Variants in KHDRBS3 observed in about 807,000 individuals in gnomAD.
The protein encoded by KHDRBS3 is KH domain-containing, RNA-binding, signal transduction-associated protein 3.
A neutral mutation model predicts 45.6 loss-of-function variants in KHDRBS3; 23 were observed. The ratio of observed to expected loss-of-function variants is 0.50; its 90% CI spans 0.36 to 0.72. The LOEUF is 0.72. Ranked by LOEUF, KHDRBS3 falls within the 30% of genes least tolerant of loss-of-function variation. KHDRBS3 has a pLI of 0.00. For synonymous variants in KHDRBS3, 162 were observed against 156.5 expected, an observed-to-expected ratio of 1.04 and a Z score of -0.26; for missense variants, 352 against 424.8, an observed-to-expected ratio of 0.83 and a Z score of 1.51.
At chr8:135,642,966 C>CT (rs1207439499) in intron 7 of KHDRBS3, among the ~76,000 whole-genome samples, 1 of 151,578 alleles carries the variant, frequency 6.6e-6, no homozygotes, top group African/African-American at 2.4e-5. Flanking sequence ...TTTTTATATA[C>CT]TTTTTTTTAG....
At chr8:135,651,291 A>C (rs545015052), downstream of KHDRBS3, among the ~76,000 whole-genome samples, 1 of 150,398 alleles carries the variant, frequency 6.6e-6, no homozygotes, top group Admixed American at 6.7e-5. Context: ...GACATAGTCT[A>C]TATATATATT....
At chr8:135,510,931 A>G (rs1824251316) in intron 1 of KHDRBS3, among the ~76,000 whole-genome samples, 1 of 152,210 alleles carries the variant, frequency 6.6e-6, no homozygotes, top group Non-Finnish European at 1.5e-5. Context: ...TTAACAGTAT[A>G]AATAAATCAT....
At position 135,521,309 on chromosome 8, in the gene KHDRBS3, T is replaced by C; in HGVS notation, c.161T>C (p.Met54Thr). Residue 54 changes from methionine (M) to threonine (T), a missense_variant, in exon 2 of 9, where the codon ATG becomes ACG. Physicochemically the swap from Met to Thr is moderately conservative, Grantham distance 81. Around this residue, in one of 6 missense-constraint regions of KHDRBS3, gnomAD observed 58 missense variants for 64.5 expected, o/e 0.90. Transcript: ENST00000355849. The stretch of plus-strand genomic sequence containing the variant: ...ATCGATGTGGTGATTAATAAGAACA[T>C]GAAGCTGGGACAGAAAGTGTTAATT... ...KYIDVVINKNMKLGQKVLIPV... is the reference protein window; with the variant it reads ...KYIDVVINKNTKLGQKVLIPV... The C allele has an allele frequency of 5.6e-6, 9 of 1,613,458 alleles. No individual in the cohort carries two copies. The highest frequency in any genetic ancestry group is 7.6e-6 in the Non-Finnish European group (9 of 1,179,426).
At chr8:135,531,027 C>T (rs987919810) in intron 2 of KHDRBS3, among the ~76,000 whole-genome samples, 27 of 152,158 alleles carry the variant, frequency 1.8e-4, no homozygotes, top group African/African-American at 5.6e-4. Context: ...TCTGAATTAA[C>T]GGTTTCATGT....
intron 7 of KHDRBS3, among the ~76,000 whole-genome samples, chr8:135,642,483 C>T (rs1454429987): frequency 6.6e-6 from 1 of 152,146 alleles, no homozygotes; most frequent in Non-Finnish European, 1.5e-5. Flanking sequence ...TTTAGGAATG[C>T]CAGCCCTTAA....
chr8:135,557,562 G>T lies in KHDRBS3; in HGVS notation c.586G>T (p.Gly196Cys). The change falls in exon 5 of 9, where the codon GGT becomes TGT. Residue 196 changes from glycine to cysteine, a missense_variant. By Grantham distance (159) the Gly-to-Cys change is radical. This residue lies in a region of KHDRBS3 where 212 missense variants were observed against 209.6 expected (regional missense o/e 1.01). Transcript: ENST00000355849. ...VRGKPTLRTR[G>C]VPAPAITRGR... ...AGGGAAACCCACCTTGCGTACAAGA[G>T]GTGTACCAGCCCCAGCAATAACCAG... 6.2e-7 allele frequency: 1 copy of T among 1,613,174 alleles called. No individual in the cohort carries two copies. The highest frequency in any genetic ancestry group is 1.3e-5 in the African/African-American group (1 of 75,006).
intron 5 of KHDRBS3, among the ~76,000 whole-genome samples, chr8:135,558,984 C>A (rs973778812): frequency 1.3e-5 from 2 of 152,158 alleles, no homozygotes; most frequent in Non-Finnish European, 2.9e-5. Flanking sequence ...ACTTTAACCT[C>A]TCCGTCCTCA....
chr8:135,477,977 C>G (rs949121826), intron 1 of KHDRBS3, among the ~76,000 whole-genome samples: 1 of 152,106 alleles, frequency 6.6e-6, no homozygotes. Flanking sequence ...TGAGCGCTGC[C>G]TCCTGTCAGA....
intron 6 of KHDRBS3, among the ~76,000 whole-genome samples, chr8:135,603,387 A>G (rs865844357): frequency 2.6e-5 from 4 of 152,330 alleles, no homozygotes; most frequent in South Asian, 4.1e-4. Context: ...GCATTTTGCT[A>G]CTTACCTGAT....
At chr8:135,614,163 G>A (rs181071070) in intron 7 of KHDRBS3, among the ~76,000 whole-genome samples, 14 of 151,956 alleles carry the variant, frequency 9.2e-5, no homozygotes, top group African/African-American at 3.1e-4. Context: ...ACTATGAAGA[G>A]AAATATAAAC....
chr8:135,567,800 A>G (rs146625847), intron 5 of KHDRBS3, among the ~76,000 whole-genome samples: 11 of 152,374 alleles, frequency 7.2e-5, no homozygotes, highest in African/African-American at 2.6e-4. Context: ...GCAAAGTACT[A>G]TGAATTTAGC....
chr8:135,482,170 C>G (rs4448310), intron 1 of KHDRBS3, among the ~76,000 whole-genome samples: 1 of 152,092 alleles, frequency 6.6e-6, no homozygotes, highest in East Asian at 1.9e-4. Flanking sequence ...CTGGGTTTTG[C>G]GAAGTTAATA....
intron 7 of KHDRBS3, among the ~76,000 whole-genome samples, chr8:135,626,803 CAAAAAA>C (rs57231709): frequency 6.6e-5 from 6 of 91,124 alleles, no homozygotes; most frequent in Admixed American, 5.2e-4. Context: ...GACTCCGTCT[CAAAAAA>C]AAAAAAAAAA....
intron 1 of KHDRBS3, chr8:135,458,314 C>T (rs1821224199): frequency 3.7e-6 from 2 of 545,670 alleles, no homozygotes; most frequent in Middle Eastern, 3.4e-4. Context: ...GCGTGTTGGA[C>T]TCGGGGAAGT....
At chr8:135,463,807 T>C (rs1821555601) in intron 1 of KHDRBS3, among the ~76,000 whole-genome samples, 1 of 152,154 alleles carries the variant, frequency 6.6e-6, no homozygotes, top group Non-Finnish European at 1.5e-5. Context: ...TTGCCTGTTG[T>C]CACCAGTCCC....
At chr8:135,472,078 C>T (rs903877495) in intron 1 of KHDRBS3, among the ~76,000 whole-genome samples, 2 of 152,186 alleles carry the variant, frequency 1.3e-5, no homozygotes, top group African/African-American at 4.8e-5. Context: ...TGAATTCATT[C>T]TTTCAGAATG....
intron 6 of KHDRBS3, among the ~76,000 whole-genome samples, chr8:135,583,843 T>G (rs1332684546): frequency 6.6e-6 from 1 of 152,114 alleles, no homozygotes; most frequent in Middle Eastern, 3.2e-3. Flanking sequence ...AACTGAAAAA[T>G]TCTTGAAAGG....
At position 135,548,863 on chromosome 8, in the gene KHDRBS3, G is replaced by C; in HGVS notation, c.434G>C (p.Gly145Ala). ...CCTGCAGAAGCTTATGCCAGGATGG[G>C]ACATGCTTTGGAAGAAATCAAAAAG... ...APPAEAYARMGHALEEIKKFL... is the reference protein window; with the variant it reads ...APPAEAYARMAHALEEIKKFL... The change falls in exon 4 of 9, where the codon GGA becomes GCA. Residue 145 changes from glycine to alanine, a missense_variant. Physicochemically the swap from Gly to Ala is moderately conservative, Grantham distance 60 (BLOSUM62 0). This residue lies in a region of KHDRBS3 where 46 missense variants were observed against 45.9 expected (regional missense o/e 1.00). Transcript: ENST00000355849. The C allele has an allele frequency of 1.9e-6, 3 of 1,597,400 alleles. No individual in the cohort carries two copies. The highest frequency in any genetic ancestry group is 2.6e-6 in the Non-Finnish European group (3 of 1,172,588).
chr8:135,564,322 G>T (rs1482323009), intron 5 of KHDRBS3, among the ~76,000 whole-genome samples: 1 of 152,170 alleles, frequency 6.6e-6, no homozygotes, highest in African/African-American at 2.4e-5. Flanking sequence ...TGATCCCATG[G>T]TTTGAGAAGT....
Sources: allele counts gnomAD v4.1 joint callset (sites outside exome capture counted in the v4.1 genomes callset), GRCh38; gene constraint gnomAD v4.1.1; regional missense constraint gnomAD v4.1.1; transcripts MANE v1.5; gene names NCBI Gene and HGNC (gene_info 2026-07-23, HGNC 2026-07-21).